Variants in CAND2 observed in about 807,000 individuals in gnomAD.
The protein encoded by CAND2 is cullin associated and neddylation dissociated 2 (putative), also known as cullin-associated NEDD8-dissociated protein 2.
A neutral mutation model predicts 98.9 loss-of-function variants in CAND2; 62 were observed. That is an observed-to-expected ratio of 0.63 (90% CI 0.51 to 0.77). The LOEUF (loss-of-function observed/expected upper bound fraction) is 0.77, where lower values mean the gene tolerates loss of function less well. Ranked by LOEUF, CAND2 falls within the 30% of genes least tolerant of loss-of-function variation. CAND2 has a pLI of 0.00. For missense variants in CAND2, 1,501 were observed against 1,655.2 expected (o/e 0.91, Z 1.62); for synonymous variants, 770 against 731.9 (o/e 1.05, Z -0.84).
intron 7 of CAND2, 94 bp downstream of exon 7, chr3:12,813,482 C>A: frequency 1.5e-6 from 2 of 1,323,730 alleles, no homozygotes; most frequent in Admixed American, 4.3e-5. Context: ...CATTTGGTGC[C>A]CCTGTCCTGA....
rs78124705 is a variant in CAND2, at chr3:12,826,277, C to T, written c.3210+638C>T. ...GAGCCCACCTGGTAAAGGAAGGATT[C>T]GGGGGCAGAGGTTAAAGGTGATTTA... On this transcript the variant is annotated intron_variant, in intron 12 of 14. Coordinates refer to ENST00000456430, the MANE Select transcript of CAND2 (RefSeq NM_001162499.2). Among the ~76,000 whole-genome samples the T allele has an allele frequency of 1.0e-2, 1,515 of 152,216 alleles. 34 individuals are homozygous for T. Among genetic ancestry groups the T allele is most frequent in the African/African-American group, 0.035 (1,435 of 41,520 alleles).
chr3:12,796,882 T>C, intron 1 of CAND2, 94 bp downstream of exon 1: 2 of 942,796 alleles, frequency 2.1e-6, no homozygotes, highest in Admixed American at 2.0e-5. Flanking sequence ...CCCATGACCA[T>C]GCAGCCCCCT....
chr3:12,812,172 G>A (rs564540449), intron 5 of CAND2, among the ~76,000 whole-genome samples: 148 of 148,268 alleles, frequency 1.0e-3, no homozygotes, highest in African/African-American at 3.5e-3. Flanking sequence ...GCCTCCCAAA[G>A]TGCTGGGATT....
intron 12 of CAND2, 72 bp downstream of exon 12, chr3:12,825,711 T>C (rs1320474177): frequency 3.4e-6 from 5 of 1,466,146 alleles, no homozygotes; most frequent in Non-Finnish European, 4.7e-6. Flanking sequence ...TGTTAGGGCA[T>C]TATTATCTCA....
At chr3:12,831,019 G>C (rs1392222430) in intron 13 of CAND2, among the ~76,000 whole-genome samples, 4 of 151,774 alleles carry the variant, frequency 2.6e-5, no homozygotes, top group African/African-American at 9.7e-5. Flanking sequence ...GTTGTTAAAA[G>C]TTTTTGTTTG....
chr3:12,810,430 C>CTAAG, intron 5 of CAND2, 106 bp downstream of exon 5: 1 of 1,024,782 alleles, frequency 9.8e-7, no homozygotes, highest in Non-Finnish European at 1.3e-6. Context: ...CAGCCAGGGC[C>CTAAG]TAAGGGTGGG....
chr3:12,820,151 CCCATTGACCCCCT>C lies in CAND2; in HGVS notation c.3013_3025del (p.Ile1005Ter). 4 of 1,614,158 alleles carry C rather than the reference CCCATTGACCCCCT, an allele frequency of 2.5e-6. No individual in the cohort carries two copies. The highest frequency in any genetic ancestry group is 2.5e-6 in the Non-Finnish European group (3 of 1,179,992). On this transcript the variant is annotated frameshift_variant, in exon 11 of 15. Coordinates refer to ENST00000456430, the MANE Select transcript of CAND2 (RefSeq NM_001162499.2). LOFTEE classifies it high-confidence loss of function. ...GTTCCTTATCTCGGACCAGCCCCAT[CCCATTGACCCCCT>C]CCTGAAGAGCTTCATCGGTGAGCAC...
intron 5 of CAND2, among the ~76,000 whole-genome samples, chr3:12,812,221 C>CTTTTTTTTTTTTTTTTTTTTTTTTTTTT (rs531439250): frequency 1.3e-5 from 1 of 74,514 alleles, no homozygotes; most frequent in Non-Finnish European, 2.5e-5. Context: ...AGCTGTTTAT[C>CTTTTTTTTTTTTTTTTTTTTTTTTTTTT]TTTTTTTTTT....
chr3:12,832,459 G>C (rs2062061686), intron 14 of CAND2: 1 of 152,140 alleles, frequency 6.6e-6, no homozygotes, highest in South Asian at 2.1e-4. Context: ...TTGCAGTAAA[G>C]CCGAGGTGGC....
At chr3:12,799,465 A>G (rs1027183654) in intron 1 of CAND2, among the ~76,000 whole-genome samples, 2 of 152,214 alleles carry the variant, frequency 1.3e-5, no homozygotes, top group African/African-American at 4.8e-5. Flanking sequence ...ATACACGTAT[A>G]AAACATGGCT....
chr3:12,822,858 G>A (rs2061967853), intron 11 of CAND2, among the ~76,000 whole-genome samples: 1 of 152,138 alleles, frequency 6.6e-6, no homozygotes, highest in African/African-American at 2.4e-5. Context: ...ACACATACGT[G>A]TATACATGTG....
intron 11 of CAND2, among the ~76,000 whole-genome samples, chr3:12,823,925 T>G (rs1025871652): frequency 5.3e-5 from 8 of 150,740 alleles, no homozygotes; most frequent in African/African-American, 2.0e-4. Context: ...ATAAATACAG[T>G]TTTTTTGCAT....
intron 10 of CAND2, 92 bp downstream of exon 10, chr3:12,817,968 C>A: frequency 8.5e-7 from 1 of 1,174,776 alleles, no homozygotes. Flanking sequence ...TGAGCTATTT[C>A]AAGTCACTGG....
intron 2 of CAND2, among the ~76,000 whole-genome samples, chr3:12,805,026 T>C (rs1027349116): frequency 1.3e-5 from 2 of 152,192 alleles, no homozygotes; most frequent in African/African-American, 4.8e-5. Flanking sequence ...GGAAATGAAA[T>C]TCATACATTA....
In CAND2 at chr3:12,810,324, G is replaced by A; in HGVS notation, c.757G>A (p.Gly253Arg). The A allele has an allele frequency of 6.9e-7, 1 of 1,453,430 alleles. No homozygotes were observed. Among genetic ancestry groups the A allele is most frequent in the Non-Finnish European group, 9.1e-7 (1 of 1,103,804 alleles). The allele number at this position is 1,453,430 out of a possible 1,614,324, so 90.0% of individuals were successfully genotyped here. Reference protein sequence around the residue: ...SVGRQAGHRLGAHLDRLVPLV... With the variant: ...SVGRQAGHRLRAHLDRLVPLV... Reference sequence around the variant, plus strand: ...CGGCCGCCAGGCCGGCCACCGCCTCGGTAAGGGGGCAGGGGGCGGGGCCTG... The same window carrying A: ...CGGCCGCCAGGCCGGCCACCGCCTCAGTAAGGGGGCAGGGGGCGGGGCCTG... Residue 253 changes from glycine to arginine, a missense_variant and splice_region_variant, in exon 5 of 15, where the codon GGG (glycine) becomes AGG (arginine). Physicochemically the swap from Gly to Arg is moderately radical, Grantham distance 125. Around this residue, in one of 3 missense-constraint regions of CAND2, gnomAD observed 1,427 missense variants for 1,545.3 expected, o/e 0.92. Transcript: ENST00000456430.
chr3:12,813,730 G>C (rs1017407074), intron 7 of CAND2, among the ~76,000 whole-genome samples: 3 of 152,222 alleles, frequency 2.0e-5, no homozygotes, highest in African/African-American at 7.2e-5. Flanking sequence ...GGTCTGTCAG[G>C]CTCCCCCACC....
intron 13 of CAND2, 134 bp downstream of exon 13, chr3:12,827,738 A>C (rs1055841812): frequency 1.2e-6 from 1 of 833,960 alleles, no homozygotes; most frequent in Admixed American, 2.8e-5. Flanking sequence ...TTGTTTTCTG[A>C]TAAGAAAAGG....
intron 5 of CAND2, among the ~76,000 whole-genome samples, chr3:12,812,707 A>T (rs75040850): frequency 0.023 from 3,455 of 152,228 alleles, 119 homozygotes; most frequent in African/African-American, 0.077. Context: ...GCTATTTATC[A>T]TTATATAATT....
At chr3:12,814,050 T>C (rs1391312447) in intron 7 of CAND2, among the ~76,000 whole-genome samples, 1 of 152,204 alleles carries the variant, frequency 6.6e-6, no homozygotes, top group Non-Finnish European at 1.5e-5. Flanking sequence ...TGCGGGGGCC[T>C]TGAATGCCAA....
Sources: gnomAD v4.1 joint callset for allele counts (sites outside exome capture counted in the v4.1 genomes callset) on GRCh38, gnomAD v4.1.1 for gene constraint, gnomAD v4.1.1 regional missense constraint, MANE v1.5 for transcripts, NCBI Gene and HGNC (gene_info 2026-07-23, HGNC 2026-07-21) for gene names.